The following TENM4 variants were observed in gnomAD, a reference collection of about 807,000 sequenced individuals.
TENM4 encodes teneurin-4.
Under a neutral mutation model 243.3 loss-of-function variants are expected in TENM4, and 82 were observed. That is an observed-to-expected ratio of 0.34 (90% CI 0.28 to 0.40). The LOEUF (loss-of-function observed/expected upper bound fraction) is 0.40, where lower values mean the gene tolerates loss of function less well. Among genes scored for constraint, TENM4 ranks in the 10% least tolerant of loss-of-function variants. The pLI is 1.00. For synonymous variants in TENM4, 1,412 were observed against 1,456.3 expected, an observed-to-expected ratio of 0.97 and a Z score of 0.69; for missense variants, 3,138 against 3,673.3, an observed-to-expected ratio of 0.85 and a Z score of 3.77.
At position 78,879,996 on chromosome 11, in the gene TENM4, G is replaced by A. The variant is rs187512499; in HGVS notation, c.1084+9789C>T. 1.1e-4 allele frequency among the ~76,000 whole-genome samples: 16 copies of A among 152,286 alleles called. No homozygotes were observed. In the East Asian group the frequency reaches 1.2e-3, roughly 11 times the overall value. ...GAGAATGGGCCATGATGACGATGGC[G>A]GTTTTGTCGAAAAGCAAAGGGGGAA... On this transcript the variant is annotated intron_variant, in intron 9 of 33. Coordinates refer to ENST00000278550, the MANE Select transcript of TENM4 (RefSeq NM_001098816.3).
intron 1 of TENM4, among the ~76,000 whole-genome samples, chr11:79,378,591 A>C (rs1247317462): frequency 6.6e-6 from 1 of 152,198 alleles, no homozygotes; most frequent in East Asian, 1.9e-4. Flanking sequence ...CAGTATGCAG[A>C]GAAGGGGCAG....
chr11:79,251,962 G>T (rs1011931524), intron 2 of TENM4, among the ~76,000 whole-genome samples: 1 of 152,058 alleles, frequency 6.6e-6, no homozygotes, highest in African/African-American at 2.4e-5. Flanking sequence ...AAATATGACT[G>T]ATCTGTCAAA....
rs1341498279 is a variant in TENM4 at position 78,732,527 on chromosome 11, C to T, written c.2927G>A (p.Arg976Gln). The T allele has an allele frequency of 4.3e-6, 7 of 1,612,704 alleles. No individual in the cohort carries two copies. Among genetic ancestry groups the T allele is most frequent in the East Asian group, 4.5e-5 (2 of 44,844 alleles). The part of the protein sequence containing the change: ...GGISIILRFE[R>Q]APFITQEHTL... ...GTGCTCCTGTGTGATGAAAGGTGCC[C>T]GCTCGAACCGCAGGATGATGGAGAT... The change falls in exon 21 of 34, where the codon CGG becomes CAG. Residue 976 changes from arginine (R) to glutamine (Q), a missense_variant. Arg to Gln is a conservative substitution (Grantham distance 43). Coordinates refer to ENST00000278550, the MANE Select transcript of TENM4 (RefSeq NM_001098816.3).
chr11:79,151,705 C>G (rs1168333534), intron 3 of TENM4, among the ~76,000 whole-genome samples: 1 of 152,102 alleles, frequency 6.6e-6, no homozygotes, highest in African/African-American at 2.4e-5. Flanking sequence ...GAAGTCTTCC[C>G]TGATTCTCCT....
chr11:78,814,393 A>C lies in TENM4; in HGVS notation c.1684T>G (p.Ser562Ala). The C allele has an allele frequency of 3.9e-6, 6 of 1,548,104 alleles. No homozygotes were observed. Among genetic ancestry groups the C allele is most frequent in the Non-Finnish European group, 5.2e-6 (6 of 1,145,572 alleles). ...VVSFLTTAIE[S>A]VDNCPSNCYG... ...CAGTTGCTGGGGCAGTTATCCACCG[A>C]CTCTGGGGAGAGAAAGGAGAAGGAG... The change falls in exon 13 of 34, where the codon TCG becomes GCG. Residue 562 changes from serine to alanine, a missense_variant and splice_region_variant. Ser to Ala is a moderately conservative substitution (Grantham distance 99, BLOSUM62 1). This residue lies in a region of TENM4 where 2,467 missense variants were observed against 3,059.1 expected (regional missense o/e 0.81). Coordinates refer to ENST00000278550, the MANE Select transcript of TENM4 (RefSeq NM_001098816.3).
chr11:79,178,063 G>A (rs1315829693), intron 3 of TENM4, among the ~76,000 whole-genome samples: 2 of 152,134 alleles, frequency 1.3e-5, no homozygotes, highest in African/African-American at 4.8e-5. Flanking sequence ...GAAGTAGTCC[G>A]ATCATATACT....
In TENM4 at chr11:78,670,503, C is replaced by A. The variant is rs754933715; in HGVS notation, c.5842G>T (p.Asp1948Tyr). ...HSQRQYIFEF[D>Y]KNDRLSSVTM... is the part of the protein sequence containing the mutation. The stretch of plus-strand genomic sequence containing the variant: ...ACAGAAGAGAGGCGGTCATTCTTGT[C>A]GAACTCAAAGATATACTGCCTCTGG... The change falls in exon 32 of 34, where the codon GAC becomes TAC. Residue 1948 changes from aspartate (D) to tyrosine (Y), a missense_variant. Coordinates refer to ENST00000278550, the MANE Select transcript of TENM4 (RefSeq NM_001098816.3). The A allele has an allele frequency of 6.2e-7, 1 of 1,613,212 alleles. No homozygotes were observed. Among genetic ancestry groups the A allele is most frequent in the Admixed American group, 1.7e-5 (1 of 59,986 alleles).
intron 4 of TENM4, among the ~76,000 whole-genome samples, chr11:79,083,103 G>A (rs183200547): frequency 1.1e-4 from 16 of 152,268 alleles, no homozygotes; most frequent in Admixed American, 4.6e-4. Context: ...GGACTTTGCC[G>A]TTGGTAATTA....
intron 4 of TENM4, among the ~76,000 whole-genome samples, chr11:79,144,864 T>C (rs1862367754): frequency 6.6e-6 from 1 of 152,076 alleles, no homozygotes; most frequent in African/African-American, 2.4e-5. Flanking sequence ...TAGTATTTGA[T>C]AGCATAACAG....
chr11:79,381,391 G>T (rs544783303), intron 1 of TENM4, among the ~76,000 whole-genome samples: 5 of 151,564 alleles, frequency 3.3e-5, no homozygotes, highest in Admixed American at 2.6e-4. Flanking sequence ...AAATGCATCA[G>T]GTTTCTAAAA....
intron 12 of TENM4, among the ~76,000 whole-genome samples, chr11:78,837,374 T>G (rs1226256575): frequency 1.3e-5 from 2 of 152,222 alleles, no homozygotes; most frequent in Non-Finnish European, 1.5e-5. Flanking sequence ...TCCCCAGTCA[T>G]GTGGAACTGT....
chr11:78,782,527 G>A (rs1374893422), intron 16 of TENM4, among the ~76,000 whole-genome samples: 1 of 152,192 alleles, frequency 6.6e-6, no homozygotes, highest in Non-Finnish European at 1.5e-5. Flanking sequence ...AACCCGGGAG[G>A]CAGAGGTTGC....
At chr11:79,220,018 G>T (rs1038141530) in intron 2 of TENM4, among the ~76,000 whole-genome samples, 1 of 152,226 alleles carries the variant, frequency 6.6e-6, no homozygotes, top group Admixed American at 6.5e-5. Context: ...CTAAGCCGTG[G>T]TACCCGGAGC....
At chr11:79,147,320 G>A (rs1159712846) in intron 4 of TENM4, among the ~76,000 whole-genome samples, 13 of 152,030 alleles carry the variant, frequency 8.6e-5, no homozygotes, top group Admixed American at 5.2e-4. Flanking sequence ...CCTTCATTCT[G>A]GGGGGCTCTA....
chr11:79,332,914 G>A (rs937056594), intron 1 of TENM4, among the ~76,000 whole-genome samples: 3 of 151,902 alleles, frequency 2.0e-5, no homozygotes, highest in Admixed American at 6.5e-5. Flanking sequence ...ACTTCAACCC[G>A]CCTGTCTCAC....
Position 78,805,330 on chromosome 11 carries a change from C to T in TENM4, c.2141G>A (p.Ser714Asn). 1 of 1,406,488 alleles carries T rather than the reference C, an allele frequency of 7.1e-7. No homozygotes were observed. The highest frequency in any genetic ancestry group is 9.3e-7 in the Non-Finnish European group (1 of 1,076,210). 87.1% of individuals were successfully genotyped at this position (1,406,488 alleles called of 1,614,324 possible). The change falls in exon 15 of 34, where the codon AGC (serine) becomes AAC (asparagine). Residue 714 changes from serine to asparagine, a missense_variant. Physicochemically the swap from Ser to Asn is conservative, Grantham distance 46. This residue lies in a region of TENM4 where 2,467 missense variants were observed against 3,059.1 expected (regional missense o/e 0.81). Coordinates refer to ENST00000278550, the MANE Select transcript of TENM4 (RefSeq NM_001098816.3). ...GTGTCCAGTCCAGCTTGGGTCACAG[C>T]TGCAAAGCCCGGTGTCCGGGAGGAA... ...GTFLPDTGLC[S>N]CDPSWTGHDC...
chr11:79,069,801 G>GT lies in TENM4; in HGVS notation c.143dup (p.Tyr48Ter). ...CATAGGCTAGGCGGGCGTCCTGGTC[G>GT]TAGGCCTTCAGGGTCTCGCTGGAGC... ...SYSSSETLKA[Y>*]DQDARLAYGS... Residue 48 changes from tyrosine (Y) to a stop codon, truncating the protein, a stop_gained and frameshift_variant, in exon 5 of 34, where the codon TAC becomes TAAC. Transcript: ENST00000278550. LOFTEE classifies it high-confidence loss of function. The GT allele has an allele frequency of 6.4e-7, 1 of 1,551,178 alleles. No homozygotes were observed. Among genetic ancestry groups the GT allele is most frequent in the Admixed American group, 2.0e-5 (1 of 51,006 alleles).
chr11:79,169,759 T>C (rs1294566996), intron 3 of TENM4, among the ~76,000 whole-genome samples: 2 of 152,234 alleles, frequency 1.3e-5, no homozygotes, highest in East Asian at 3.9e-4. Flanking sequence ...CAGAACATTC[T>C]GATGCACAGG....
intron 4 of TENM4, among the ~76,000 whole-genome samples, chr11:79,120,142 G>A (rs1861711906): frequency 6.6e-6 from 1 of 152,226 alleles, no homozygotes; most frequent in Non-Finnish European, 1.5e-5. Flanking sequence ...AGAAGAGGGA[G>A]TGCTTGTCTA....
Sources: gnomAD v4.1 joint callset for allele counts (sites outside exome capture counted in the v4.1 genomes callset) on GRCh38, gnomAD v4.1.1 for gene constraint, gnomAD v4.1.1 regional missense constraint, MANE v1.5 for transcripts, NCBI Gene and HGNC (gene_info 2026-07-23, HGNC 2026-07-21) for gene names.